Variants in ANK2 observed in about 807,000 individuals in gnomAD.
ANK2 encodes the protein ankyrin-2.
A neutral mutation model predicts 360.5 loss-of-function variants in ANK2; 83 were observed. The ratio of observed to expected loss-of-function variants is 0.23; its 90% confidence interval spans 0.19 to 0.28. ANK2 has a LOEUF of 0.28. ANK2 is among the 10% of genes least tolerant of loss of function. ANK2 has a pLI of 1.00. For synonymous variants in ANK2, 1,740 were observed against 1,759.5 expected (o/e 0.99, Z 0.28); for missense variants, 4,201 against 4,795.7 (o/e 0.88, Z 3.66).
chr4:113,098,298 T>G (rs1216406176), intron 1 of ANK2, among the ~76,000 whole-genome samples: 3 of 151,888 alleles, frequency 2.0e-5, no homozygotes, highest in Admixed American at 6.6e-5. Context: ...ATAAAGTTGA[T>G]AAAATTTTAG....
chr4:113,165,484 T>G (rs1034167014), intron 1 of ANK2, among the ~76,000 whole-genome samples: 7 of 152,146 alleles, frequency 4.6e-5, no homozygotes, highest in Non-Finnish European at 8.8e-5. Flanking sequence ...TGTTTTGATT[T>G]CCTTTACATT....
chr4:113,296,102 C>A (rs947707109), intron 22 of ANK2, among the ~76,000 whole-genome samples: 1 of 152,040 alleles, frequency 6.6e-6, no homozygotes, highest in African/African-American at 2.4e-5. Context: ...TTTAGGTTGT[C>A]GGGTTTTAAA....
chr4:113,378,141 G>A, intron 45 of ANK2: 1 of 1,281,830 alleles, frequency 7.8e-7, no homozygotes, highest in South Asian at 1.2e-5. Context: ...CAGTTTAGTA[G>A]AGAATGAAAT....
At chr4:113,102,169 C>T (rs1367812105) in intron 1 of ANK2, among the ~76,000 whole-genome samples, 3 of 151,682 alleles carry the variant, frequency 2.0e-5, no homozygotes, top group Non-Finnish European at 4.4e-5. Flanking sequence ...GGTTATAGAC[C>T]TGGTGAGCAG....
chr4:113,330,756 G>T (rs538445382), intron 27 of ANK2, among the ~76,000 whole-genome samples: 43 of 152,264 alleles, frequency 2.8e-4, no homozygotes, highest in African/African-American at 1.0e-3. Flanking sequence ...TATTTTAGCC[G>T]ATGGTAGGTA....
intron 21 of ANK2, 45 bp downstream of exon 21, chr4:113,292,559 C>T (rs1444470575): frequency 6.6e-7 from 1 of 1,515,068 alleles, no homozygotes; most frequent in African/African-American, 1.4e-5. Context: ...CTTCTTTTTC[C>T]TCTCTTGCCC....
At chr4:113,361,520 A>G (rs1438530199) in intron 39 of ANK2, among the ~76,000 whole-genome samples, 1 of 151,552 alleles carries the variant, frequency 6.6e-6, no homozygotes, top group African/African-American at 2.4e-5. Context: ...CTATTAAAGC[A>G]AGATTCTCAG....
At chr4:113,251,915 G>A (rs982432566) in intron 10 of ANK2, among the ~76,000 whole-genome samples, 1 of 152,168 alleles carries the variant, frequency 6.6e-6, no homozygotes, top group Non-Finnish European at 1.5e-5. Context: ...GTTAGAGTGA[G>A]GGGATACCGC....
chr4:113,108,246 C>G (rs1251542029), intron 1 of ANK2, among the ~76,000 whole-genome samples: 2 of 152,096 alleles, frequency 1.3e-5, no homozygotes, highest in East Asian at 3.9e-4. Context: ...GATTGTAGAA[C>G]TTCTAAATAT....
upstream of ANK2, among the ~76,000 whole-genome samples, chr4:113,045,014 A>AT (rs2063910620): frequency 1.3e-5 from 2 of 152,148 alleles, no homozygotes; most frequent in South Asian, 2.1e-4. Context: ...GAGAACTGAG[A>AT]TTTTTTAACA....
chr4:113,028,139 A>C (rs141721247), intron 2 of ANK2, among the ~76,000 whole-genome samples: 1 of 151,948 alleles, frequency 6.6e-6, no homozygotes, highest in South Asian at 2.1e-4. Flanking sequence ...CTAGTAGGGG[A>C]TGTGAGCAAT....
chr4:113,030,723 G>T (rs943169451), intron 2 of ANK2, among the ~76,000 whole-genome samples: 2 of 151,810 alleles, frequency 1.3e-5, no homozygotes, highest in African/African-American at 4.8e-5. Flanking sequence ...AATGGCCAAG[G>T]TACTCTAAGA....
chr4:112,882,147 G>C, intron 1 of ANK2: 1 of 223,794 alleles, frequency 4.5e-6, no homozygotes, highest in Non-Finnish European at 9.0e-6. Flanking sequence ...ACGGCCCTGG[G>C]AAGAGAGACT....
intron 1 of ANK2, among the ~76,000 whole-genome samples, chr4:113,076,807 A>G (rs1355777409): frequency 1.3e-5 from 2 of 151,604 alleles, no homozygotes; most frequent in African/African-American, 4.8e-5. Flanking sequence ...AAAAAAGAAA[A>G]AAAAAAAACT....
chr4:112,929,333 C>G (rs1252327586), intron 2 of ANK2, among the ~76,000 whole-genome samples: 1 of 152,174 alleles, frequency 6.6e-6, no homozygotes, highest in Non-Finnish European at 1.5e-5. Context: ...CTCTTATTGG[C>G]TTGAAAATGA....
rs147809741 is a variant in ANK2, at chr4:113,357,843, A to T, written c.9225A>T (p.Ser3075=). ...KIFGLMVDRQ[S]QGTTPDTTPA... ...TTGGTTTGATGGTAGACAGACAATC[A>T]CAGGGTACCACCCCTGACACCACTC... The change falls in exon 38 of 46, where the codon TCA becomes TCT. Residue 3075 remains serine, a synonymous_variant. Coordinates refer to ENST00000357077, the MANE Select transcript of ANK2 (RefSeq NM_001148.6). 5.0e-6 allele frequency: 8 copies of T among 1,613,834 alleles called. No homozygotes were observed. The highest frequency in any genetic ancestry group is 6.8e-6 in the Non-Finnish European group (8 of 1,179,914).
chr4:113,059,356 C>G (rs1381799159), intron 1 of ANK2, among the ~76,000 whole-genome samples: 1 of 152,118 alleles, frequency 6.6e-6, no homozygotes, highest in Non-Finnish European at 1.5e-5. Flanking sequence ...AAGACTAGCC[C>G]TACATATGAA....
intron 24 of ANK2, among the ~76,000 whole-genome samples, chr4:113,316,422 G>T (rs1289848090): frequency 6.6e-6 from 1 of 152,056 alleles, no homozygotes; most frequent in African/African-American, 2.4e-5. Context: ...CAATTGATGC[G>T]GGCTATGTTG....
intron 21 of ANK2, 111 bp from the exon 22 acceptor site, chr4:113,293,329 C>A: frequency 4.3e-6 from 4 of 935,614 alleles, no homozygotes; most frequent in Non-Finnish European, 6.8e-6. Flanking sequence ...CTAAGCTGTG[C>A]CTTGTTTTGG....
Sources: gnomAD v4.1 joint callset for allele counts (sites outside exome capture counted in the v4.1 genomes callset) on GRCh38, gnomAD v4.1.1 for gene constraint, MANE v1.5 for transcripts, NCBI Gene and HGNC (gene_info 2026-07-23, HGNC 2026-07-21) for gene names.